The following RNF141 variants were observed in gnomAD, a reference collection of about 807,000 sequenced individuals.
The protein encoded by RNF141 is ring finger protein 141.
A neutral mutation model predicts 27.4 loss-of-function variants in RNF141; 18 were observed. The observed-to-expected ratio is 0.66, with a 90% CI of 0.45 to 0.97. The LOEUF is 0.97. Among genes scored for constraint, RNF141 ranks in the 50% least tolerant of loss-of-function variants. RNF141 has a pLI of 0.00. For missense variants in RNF141, 230 were observed against 279.4 expected (o/e 0.82, Z 1.26); for synonymous variants, 97 against 96.6 (o/e 1.00, Z -0.02).
intron 1 of RNF141, among the ~76,000 whole-genome samples, chr11:10,536,472 T>A (rs1446060676): frequency 6.6e-6 from 1 of 152,180 alleles, no homozygotes; most frequent in Admixed American, 6.5e-5. Context: ...GAATATTATC[T>A]AGTGAATAAT....
intron 1 of RNF141, among the ~76,000 whole-genome samples, chr11:10,535,390 T>G (rs1399613765): frequency 5.4e-5 from 8 of 149,526 alleles, no homozygotes; most frequent in African/African-American, 2.0e-4. Flanking sequence ...GTTTTGAATC[T>G]GAGCCTACTT....
intron 1 of RNF141, among the ~76,000 whole-genome samples, chr11:10,539,781 G>C (rs932592716): frequency 1.4e-5 from 2 of 145,124 alleles, no homozygotes; most frequent in Non-Finnish European, 3.0e-5. Context: ...CACAGTAACA[G>C]TGTGTTTACT....
intron 4 of RNF141, among the ~76,000 whole-genome samples, chr11:10,520,996 G>C (rs1322709518): frequency 6.6e-6 from 1 of 152,210 alleles, no homozygotes; most frequent in Non-Finnish European, 1.5e-5. Flanking sequence ...ATGAGTGAAA[G>C]AATAGTTTAG....
chr11:10,528,581 C>A (rs1368736202), intron 3 of RNF141, among the ~76,000 whole-genome samples: 1 of 152,156 alleles, frequency 6.6e-6, no homozygotes, highest in Non-Finnish European at 1.5e-5. Flanking sequence ...CTGATATATT[C>A]GTATTCCCTT....
intron 5 of RNF141, among the ~76,000 whole-genome samples, chr11:10,517,949 A>G (rs1254655071): frequency 6.6e-6 from 1 of 152,184 alleles, no homozygotes; most frequent in African/African-American, 2.4e-5. Context: ...AAATAGCATA[A>G]AACTATGAAA....
Position 10,512,349 on chromosome 11 carries a change from G to A in RNF141, c.*2567C>T, listed in dbSNP as rs1419144540. The A allele has an allele frequency of 1.3e-5, 2 of 152,612 alleles. No homozygotes were observed. Among genetic ancestry groups the A allele is most frequent in the African/African-American group, 4.8e-5 (2 of 41,452 alleles). The allele number at this position is 152,612 out of a possible 1,614,324, so 9.5% of individuals were successfully genotyped here. A position where few individuals can be genotyped will look rare whatever the true frequency, so the allele number is the denominator to read the frequency against. On this transcript the variant is annotated 3_prime_UTR_variant, in exon 6 of 6. Coordinates refer to ENST00000265981, the MANE Select transcript of RNF141 (RefSeq NM_016422.4). ...AGTTCAATAGAGCGAACAAAGAGCT[G>A]TGCTCATTTATTTATTTGATAAGGC... is the stretch of plus-strand genomic sequence containing the variant.
intron 4 of RNF141, 74 bp downstream of exon 4, chr11:10,525,118 G>A: frequency 8.5e-7 from 1 of 1,176,386 alleles, no homozygotes; most frequent in Non-Finnish European, 1.2e-6. Flanking sequence ...ATGAGCAACA[G>A]CAAAAATATT....
Position 10,525,360 on chromosome 11 carries a change from C to A in RNF141, c.266G>T (p.Ser89Ile). 6.4e-7 allele frequency: 1 copy of A among 1,569,496 alleles called. No homozygotes were observed. The change falls in exon 4 of 6, where the codon AGT becomes ATT. Residue 89 changes from serine (S) to isoleucine (I), a missense_variant. Physicochemically the swap from Ser to Ile is moderately radical, Grantham distance 142 (BLOSUM62 -2). Coordinates refer to ENST00000265981, the MANE Select transcript of RNF141 (RefSeq NM_016422.4). ...RVVCTKINKS[S>I]GIVEASRIMN... ...GATCCGTGATGCCTCCACAATGCCA[C>A]TGCTTTTGTTAATCTAAAAATACAA...
rs1349105799 is a variant in RNF141, at chr11:10,514,931, C to T, written c.678G>A (p.Gln226=). The T allele has an allele frequency of 2.5e-6, 4 of 1,612,754 alleles. No individual in the cohort carries two copies. The highest frequency in any genetic ancestry group is 1.7e-4 in the Middle Eastern group (1 of 6,056). The change falls in exon 6 of 6, where the codon CAG becomes CAA. Residue 226 remains glutamine, a synonymous_variant. Transcript: ENST00000265981. ...YILNMADEAG[Q]PHRP is the part of the protein sequence containing the mutation. ...CACTTCAAGGTCATGGCCTGTGGGG[C>T]TGGCCTGCCTCATCAGCCATGTTAA...
chr11:10,535,961 C>A (rs2054391), intron 1 of RNF141, among the ~76,000 whole-genome samples: 104,166 of 152,058 alleles, frequency 0.69, 36,047 homozygotes, highest in East Asian at 0.85. Flanking sequence ...ACAAGTAGCA[C>A]GTGCCTGGTG....
chr11:10,533,464 T>C (rs1278710837), intron 2 of RNF141, among the ~76,000 whole-genome samples: 1 of 152,108 alleles, frequency 6.6e-6, no homozygotes, highest in Admixed American at 6.6e-5. Flanking sequence ...AAATGAAATA[T>C]ATTATTTCTC....
chr11:10,537,251 C>A (rs1188934943), intron 1 of RNF141, among the ~76,000 whole-genome samples: 2 of 152,162 alleles, frequency 1.3e-5, no homozygotes, highest in Non-Finnish European at 2.9e-5. Flanking sequence ...AGAAGTACAT[C>A]TAATAAGTGT....
chr11:10,538,888 G>A (rs1850060364), intron 1 of RNF141, among the ~76,000 whole-genome samples: 1 of 152,108 alleles, frequency 6.6e-6, no homozygotes. Flanking sequence ...ATGCAACAGT[G>A]GTATTGCATA....
intron 4 of RNF141, among the ~76,000 whole-genome samples, chr11:10,522,668 A>G (rs1458253527): frequency 6.6e-6 from 1 of 152,236 alleles, no homozygotes; most frequent in Non-Finnish European, 1.5e-5. Flanking sequence ...AAGGCTGGAA[A>G]AGAGAACAGA....
chr11:10,533,951 GCC>G, intron 2 of RNF141, 63 bp downstream of exon 2: 1 of 1,451,802 alleles, frequency 6.9e-7, no homozygotes, highest in African/African-American at 1.4e-5. Flanking sequence ...ATCTTACACA[GCC>G]ATGACATATG....
At chr11:10,533,962 T>C (rs571297974) in intron 2 of RNF141, 54 bp downstream of exon 2, 3 of 1,539,230 alleles carry the variant, frequency 1.9e-6, no homozygotes, top group African/African-American at 1.4e-5. Context: ...CCATGACATA[T>C]GGGGCATACA....
intron 4 of RNF141, among the ~76,000 whole-genome samples, chr11:10,520,746 G>A (rs1383846754): frequency 6.6e-6 from 1 of 152,150 alleles, no homozygotes; most frequent in Non-Finnish European, 1.5e-5. Flanking sequence ...GCATCACCAA[G>A]AACATTTGAG....
chr11:10,516,874 C>A (rs1849847009), intron 5 of RNF141: 1 of 152,070 alleles, frequency 6.6e-6, no homozygotes, highest in Non-Finnish European at 1.5e-5. Flanking sequence ...CAAACTGTTT[C>A]CAAGTCACTT....
At position 10,513,148 on chromosome 11, in the gene RNF141, A is replaced by C. The variant is rs965656827; in HGVS notation, c.*1768T>G. On this transcript the variant is annotated 3_prime_UTR_variant, in exon 6 of 6. Transcript: ENST00000265981. Reference sequence around the variant, plus strand: ...ATGGAACCCCTGGTACTCTGCTTGCATAAACCTCCATAGGGAGTAGTTAGC... The same window carrying C: ...ATGGAACCCCTGGTACTCTGCTTGCCTAAACCTCCATAGGGAGTAGTTAGC... 6.6e-6 allele frequency: 1 copy of C among 152,234 alleles called. No individual in the cohort carries two copies. The highest frequency in any genetic ancestry group is 2.4e-5 in the African/African-American group (1 of 41,456). 9.4% of individuals were successfully genotyped at this position (152,234 alleles called of 1,614,324 possible).
Sources: allele counts gnomAD v4.1 joint callset (sites outside exome capture counted in the v4.1 genomes callset), GRCh38; gene constraint gnomAD v4.1.1; transcripts MANE v1.5; gene names NCBI Gene and HGNC (gene_info 2026-07-23, HGNC 2026-07-21).